The following ITIH2 variants were observed in gnomAD, a reference collection of about 807,000 sequenced individuals.
ITIH2 encodes the protein inter-alpha-trypsin inhibitor heavy chain H2.
Under a neutral mutation model 104.4 loss-of-function variants are expected in ITIH2, and 103 were observed. The ratio of observed to expected loss-of-function variants is 0.99; its 90% CI spans 0.84 to 1.16. The LOEUF (loss-of-function observed/expected upper bound fraction) is 1.16. ITIH2 is among the 50% of genes most tolerant of loss of function. The pLI is 0.00. For missense variants in ITIH2, 1,108 were observed against 1,162.4 expected, an observed-to-expected ratio of 0.95 and a Z score of 0.68; for synonymous variants, 436 against 435.4, an observed-to-expected ratio of 1.00 and a Z score of -0.02.
intron 20 of ITIH2, among the ~76,000 whole-genome samples, chr10:7,747,168 C>T (rs757310014): frequency 9.2e-5 from 14 of 152,180 alleles, no homozygotes; most frequent in Non-Finnish European, 2.1e-4. Flanking sequence ...GAAGTGAGAA[C>T]TTAGACGCTC....
At position 7,744,121 on chromosome 10, in the gene ITIH2, C is replaced by T. The variant is rs768510012; in HGVS notation, c.2249C>T (p.Pro750Leu). ...VNGQLVGAKK[P>L]NNGKLSTYFG... is the part of the protein sequence containing the mutation. ...GGTCAGCTTGTTGGTGCCAAGAAGC[C>T]CAACAATGGAAAACTAAGCACCTAT... The change falls in exon 18 of 21, where the codon CCC (proline) becomes CTC (leucine). Residue 750 changes from proline to leucine, a missense_variant. Coordinates refer to ENST00000358415, the MANE Select transcript of ITIH2 (RefSeq NM_002216.3). 4 of 1,613,900 alleles carry T rather than the reference C, an allele frequency of 2.5e-6. No homozygotes were observed. The South Asian group carries it at 4.4e-5, about 18-fold the overall frequency.
At chr10:7,743,762 C>A (rs1327041908) in intron 17 of ITIH2, among the ~76,000 whole-genome samples, 1 of 151,964 alleles carries the variant, frequency 6.6e-6, no homozygotes, top group Non-Finnish European at 1.5e-5. Flanking sequence ...GCCTGAGTGA[C>A]AGAGTAAGAC....
chr10:7,746,725 C>T (rs897497161), intron 20 of ITIH2, 21 bp downstream of exon 20: 3 of 1,506,652 alleles, frequency 2.0e-6, no homozygotes, highest in Non-Finnish European at 2.8e-6. Flanking sequence ...GGCGTAAGGA[C>T]AGTGACGAAA....
At chr10:7,741,774 T>C (rs973601701) in intron 16 of ITIH2, among the ~76,000 whole-genome samples, 2 of 152,202 alleles carry the variant, frequency 1.3e-5, no homozygotes, top group Admixed American at 1.3e-4. Context: ...TGATCTCTAC[T>C]TTTAGCTCTT....
At chr10:7,727,431 C>T (rs1834960475) in intron 10 of ITIH2, among the ~76,000 whole-genome samples, 1 of 152,156 alleles carries the variant, frequency 6.6e-6, no homozygotes, top group South Asian at 2.1e-4. Context: ...GATTTGGATA[C>T]TTTAATCTGG....
chr10:7,710,818 C>T (rs961698169), intron 4 of ITIH2, among the ~76,000 whole-genome samples: 3 of 152,094 alleles, frequency 2.0e-5, no homozygotes, highest in African/African-American at 7.2e-5. Context: ...TATTATATGA[C>T]CCCATGTCTA....
chr10:7,713,389 T>C, intron 5 of ITIH2, 104 bp downstream of exon 5: 1 of 829,276 alleles, frequency 1.2e-6, no homozygotes, highest in Non-Finnish European at 2.0e-6. Flanking sequence ...GCACAGCACC[T>C]GAGCCAATGG....
At chr10:7,725,450 G>T (rs974068122) in intron 9 of ITIH2, among the ~76,000 whole-genome samples, 1 of 152,202 alleles carries the variant, frequency 6.6e-6, no homozygotes. Flanking sequence ...GAAGTGAGAG[G>T]CAAGGTGGCT....
rs1055937415 is a variant in ITIH2 at position 7,737,693 on chromosome 10, C to A, written c.1958-928C>A. Among the ~76,000 whole-genome samples, 26 of 25,716 alleles carry A rather than the reference C, an allele frequency of 1.0e-3. 3 individuals carry two copies. The highest frequency in any genetic ancestry group is 1.3e-3 in the Non-Finnish European group (22 of 17,300). The allele number at this position is 25,716 out of a possible 152,430, so 16.9% of individuals were successfully genotyped here. A position where few individuals can be genotyped will look rare whatever the true frequency, so the allele number is the denominator to read the frequency against. On this transcript the variant is annotated intron_variant, in intron 15 of 20. Transcript: ENST00000358415. ...TATTCTATATTTTCTATATTATATT[C>A]TATATAATATTCTATATTATATTCT...
chr10:7,733,151 T>G (rs7901319), intron 14 of ITIH2, among the ~76,000 whole-genome samples: 50,530 of 151,686 alleles, frequency 0.33, 9,417 homozygotes, highest in African/African-American at 0.52. Context: ...TCCTCCACTG[T>G]AACCACTCTT....
Position 7,726,969 on chromosome 10 carries a change from C to G in ITIH2, c.1004C>G (p.Thr335Ser). 6.2e-7 allele frequency: 1 copy of G among 1,612,106 alleles called. No individual in the cohort carries two copies. The highest frequency in any genetic ancestry group is 8.5e-7 in the Non-Finnish European group (1 of 1,178,880). Residue 335 changes from threonine to serine, a missense_variant, in exon 10 of 21, where the codon ACC becomes AGC. Coordinates refer to ENST00000358415, the MANE Select transcript of ITIH2 (RefSeq NM_002216.3). The part of the protein sequence containing the change: ...KMKQTVEAMK[T>S]ILDDLRAEDH... ...AAATAGACTGTGGAAGCAATGAAGACCATATTGGATGACCTCAGAGCAGAA... is the reference window on the plus strand; with the variant it reads ...AAATAGACTGTGGAAGCAATGAAGAGCATATTGGATGACCTCAGAGCAGAA...
At chr10:7,712,550 A>C (rs1336579288) in intron 4 of ITIH2, among the ~76,000 whole-genome samples, 2 of 152,204 alleles carry the variant, frequency 1.3e-5, no homozygotes, top group African/African-American at 4.8e-5. Context: ...TGTCATTCAA[A>C]GGGGATACCC....
chr10:7,711,099 C>A (rs541937420), intron 4 of ITIH2, among the ~76,000 whole-genome samples: 2 of 152,054 alleles, frequency 1.3e-5, no homozygotes, highest in East Asian at 3.9e-4. Flanking sequence ...TGCCCCCTAC[C>A]GCCCGACAGG....
At chr10:7,727,861 A>G (rs768005405) in intron 11 of ITIH2, 33 bp downstream of exon 11, 3 of 1,612,034 alleles carry the variant, frequency 1.9e-6, no homozygotes, top group South Asian at 1.1e-5. Context: ...CACGACAAAC[A>G]CTTTCACTGT....
chr10:7,710,473 T>C lies in ITIH2; in HGVS notation c.362+1282T>C, dbSNP rs188906505. On this transcript the variant is annotated intron_variant, in intron 4 of 20. Coordinates refer to ENST00000358415, the MANE Select transcript of ITIH2 (RefSeq NM_002216.3). The stretch of plus-strand genomic sequence containing the variant: ...CCCAGAGTATGTTCCAGGTGGTCAA[T>C]GTCCCTCTTAAGTTGCCAAGAACAC... Among the ~76,000 whole-genome samples the C allele has an allele frequency of 5.9e-5, 9 of 152,326 alleles. No homozygotes were observed. The East Asian group carries it at 1.3e-3, about 23-fold the overall frequency.
chr10:7,737,438 T>C (rs990912570), intron 15 of ITIH2, among the ~76,000 whole-genome samples: 1 of 140,948 alleles, frequency 7.1e-6, no homozygotes, highest in African/African-American at 2.7e-5. Flanking sequence ...CACGTGTATA[T>C]ATATATATAA....
chr10:7,746,246 A>G (rs12761019), intron 19 of ITIH2, among the ~76,000 whole-genome samples: 129,936 of 150,772 alleles, frequency 0.86, 56,075 homozygotes, highest in Admixed American at 0.91. Context: ...GTAGTGGCTC[A>G]CGCCTGTGGT....
chr10:7,735,649 TTTTTCTTTTC>T (rs199717787), intron 15 of ITIH2, among the ~76,000 whole-genome samples: 40 of 150,940 alleles, frequency 2.7e-4, no homozygotes, highest in African/African-American at 4.4e-4. Flanking sequence ...CACTGTTTTC[TTTTTCTTTTC>T]TTTTCTTTTC....
intron 11 of ITIH2, among the ~76,000 whole-genome samples, chr10:7,729,228 C>T (rs555661322): frequency 6.6e-6 from 1 of 152,096 alleles, no homozygotes; most frequent in South Asian, 2.1e-4. Flanking sequence ...CAGGAGAATC[C>T]CTTGAACCCA....
Sources: gnomAD v4.1 joint callset for allele counts (sites outside exome capture counted in the v4.1 genomes callset) on GRCh38, gnomAD v4.1.1 for gene constraint, MANE v1.5 for transcripts, NCBI Gene and HGNC (gene_info 2026-07-23, HGNC 2026-07-21) for gene names.